Variants in BLNK observed in about 807,000 individuals in gnomAD.
The protein encoded by BLNK is B-cell linker protein.
In BLNK, 29 loss-of-function variants were observed where a neutral mutation model predicts 73.5. That is an observed-to-expected ratio of 0.39 (90% CI 0.29 to 0.54). The LOEUF is 0.54. Among genes scored for constraint, BLNK ranks in the 20% least tolerant of loss-of-function variants. The probability of loss-of-function intolerance (pLI) is 0.61; values close to 1 mark genes in which losing one functional copy is unlikely to be tolerated. For missense variants in BLNK, 460 were observed against 562.8 expected, an observed-to-expected ratio of 0.82 and a Z score of 1.85; for synonymous variants, 176 against 200.8, an observed-to-expected ratio of 0.88 and a Z score of 1.04.
chr10:96,217,372 C>T (rs1472365122), intron 6 of BLNK, among the ~76,000 whole-genome samples: 2 of 152,168 alleles, frequency 1.3e-5, no homozygotes, highest in African/African-American at 2.4e-5. Context: ...GTTTAACAGT[C>T]GGAGAAACTG....
intron 8 of BLNK, 132 bp downstream of exon 8, chr10:96,215,189 T>A (rs1308854346): frequency 1.0e-6 from 1 of 982,646 alleles, no homozygotes; most frequent in Non-Finnish European, 1.6e-6. Flanking sequence ...AGACAGTGCA[T>A]GAGGATGAGG....
chr10:96,271,301 T>TG (rs781870273), intron 1 of BLNK, 51 bp downstream of exon 1: 34 of 1,587,444 alleles, frequency 2.1e-5, no homozygotes, highest in Non-Finnish European at 2.3e-5. Context: ...ATAAGAGCAC[T>TG]GGGGGGAAAA....
In BLNK at chr10:96,271,472, G is replaced by A. The variant is rs1259446838; in HGVS notation, c.-74C>T. On this transcript the variant is annotated 5_prime_UTR_variant, in exon 1 of 17. Coordinates refer to ENST00000224337, the MANE Select transcript of BLNK (RefSeq NM_013314.4). ...CAGCAGTTCCTGGCCCTCCTAGGGAGCAGCATGGTAAGCCTCTGGTCTCAA... is the reference window on the plus strand; with the variant it reads ...CAGCAGTTCCTGGCCCTCCTAGGGAACAGCATGGTAAGCCTCTGGTCTCAA... The A allele has an allele frequency of 2.0e-6, 3 of 1,493,790 alleles. No individual in the cohort carries two copies. Among genetic ancestry groups the A allele is most frequent in the African/African-American group, 2.8e-5 (2 of 72,324 alleles). 92.5% of individuals were successfully genotyped at this position (1,493,790 alleles called of 1,614,324 possible).
At chr10:96,206,425 G>A (rs191077104) in intron 11 of BLNK, among the ~76,000 whole-genome samples, 38 of 151,338 alleles carry the variant, frequency 2.5e-4, no homozygotes, top group African/African-American at 8.5e-4. Context: ...GATAAAGGAA[G>A]AAATTCTAAA....
At chr10:96,248,930 T>C (rs1382418136) in intron 1 of BLNK, among the ~76,000 whole-genome samples, 1 of 151,854 alleles carries the variant, frequency 6.6e-6, no homozygotes, top group Non-Finnish European at 1.5e-5. Flanking sequence ...GTATTATCTG[T>C]GTTATACACA....
intron 1 of BLNK, among the ~76,000 whole-genome samples, chr10:96,263,106 C>T (rs1564854175): frequency 6.7e-6 from 1 of 150,308 alleles, no homozygotes; most frequent in Non-Finnish European, 1.5e-5. Context: ...CCTCATGGAA[C>T]CCCCGACCAG....
chr10:96,270,852 A>G (rs1844241669), intron 1 of BLNK, among the ~76,000 whole-genome samples: 2 of 152,196 alleles, frequency 1.3e-5, no homozygotes, highest in Non-Finnish European at 2.9e-5. Flanking sequence ...AGGGCATTGG[A>G]AAGACAGATC....
chr10:96,209,547 C>G lies in BLNK; in HGVS notation c.746+291G>C, dbSNP rs1346810851. Among the ~76,000 whole-genome samples, 3 of 152,262 alleles carry G rather than the reference C, an allele frequency of 2.0e-5. No homozygotes were observed. In the East Asian group the frequency reaches 5.8e-4, roughly 29 times the overall value. ...AGCTGGGATTACAGGTGTGTGCCAC[C>G]ACGCCTGGCTAATTTTTGTATTTTT... is the stretch of plus-strand genomic sequence containing the variant. On this transcript the variant is annotated intron_variant, in intron 9 of 16. Coordinates refer to ENST00000224337, the MANE Select transcript of BLNK (RefSeq NM_013314.4).
chr10:96,189,719 C>CATG lies in BLNK; in HGVS notation c.*2253_*2254insCAT. ...TCAAAATCATCATCATCATCATCAT[C>CATG]ATCATCATCATCATCTTCATCAGCA... is the stretch of plus-strand genomic sequence containing the variant. On this transcript the variant is annotated 3_prime_UTR_variant, in exon 17 of 17. Coordinates refer to ENST00000224337, the MANE Select transcript of BLNK (RefSeq NM_013314.4). The CATG allele has an allele frequency of 4.2e-6, 3 of 718,518 alleles. No homozygotes were observed. The South Asian group carries it at 4.2e-5, about 10-fold the overall frequency. 44.5% of individuals were successfully genotyped at this position (718,518 alleles called of 1,614,324 possible). A position where few individuals can be genotyped will look rare whatever the true frequency, so the allele number is the denominator to read the frequency against.
chr10:96,215,724 T>C, intron 7 of BLNK: 2 of 236,462 alleles, frequency 8.5e-6, no homozygotes, highest in South Asian at 1.5e-4. Flanking sequence ...TTATTGTTTT[T>C]GTTTTTCATC....
intron 1 of BLNK, among the ~76,000 whole-genome samples, chr10:96,270,787 G>A (rs1038603241): frequency 1.3e-5 from 2 of 152,102 alleles, no homozygotes; most frequent in Non-Finnish European, 2.9e-5. Flanking sequence ...CCATGGGGCC[G>A]CTTCTGGTTT....
chr10:96,209,842 C>A lies in BLNK; in HGVS notation c.742G>T (p.Ala248Ser), dbSNP rs782149426. 1 of 1,614,220 alleles carries A rather than the reference C, an allele frequency of 6.2e-7. No individual in the cohort carries two copies. The highest frequency in any genetic ancestry group is 1.1e-5 in the South Asian group (1 of 91,084). ...CTTCCTGCAACAGGTACTTACCCGGCCCGTGGCAACGGGGATGGTGCAGCT... is the reference window on the plus strand; with the variant it reads ...CTTCCTGCAACAGGTACTTACCCGGACCGTGGCAACGGGGATGGTGCAGCT... ...PPAAPSPLPR[A>S]GKKPTTPLKT... The change falls in exon 9 of 17, where the codon GCC becomes TCC. Residue 248 changes from alanine to serine, a missense_variant. Around this residue, in one of 3 missense-constraint regions of BLNK, gnomAD observed 233 missense variants for 232.1 expected, o/e 1.00. Coordinates refer to ENST00000224337, the MANE Select transcript of BLNK (RefSeq NM_013314.4).
intron 6 of BLNK, among the ~76,000 whole-genome samples, chr10:96,223,355 G>T (rs1382559912): frequency 2.0e-5 from 3 of 152,100 alleles, no homozygotes; most frequent in African/African-American, 7.2e-5. Flanking sequence ...CAAGTCGTCC[G>T]CTTGGCCCTC....
At chr10:96,229,968 C>G (rs1027366779) in intron 4 of BLNK, among the ~76,000 whole-genome samples, 18 of 152,280 alleles carry the variant, frequency 1.2e-4, no homozygotes, top group African/African-American at 4.3e-4. Context: ...GGGTGATTTT[C>G]ATTCTCTTGG....
chr10:96,214,365 T>A (rs1306215403), intron 8 of BLNK, among the ~76,000 whole-genome samples: 1 of 152,024 alleles, frequency 6.6e-6, no homozygotes, highest in African/African-American at 2.4e-5. Context: ...AGGGGTGACA[T>A]GGCAAAGACT....
chr10:96,267,840 A>G (rs1286444129), intron 1 of BLNK, among the ~76,000 whole-genome samples: 1 of 152,204 alleles, frequency 6.6e-6, no homozygotes, highest in South Asian at 2.1e-4. Flanking sequence ...CAATTACACA[A>G]CTATAGAATT....
At chr10:96,263,412 G>A (rs532424843) in intron 1 of BLNK, among the ~76,000 whole-genome samples, 1 of 152,354 alleles carries the variant, frequency 6.6e-6, no homozygotes, top group South Asian at 2.1e-4. Flanking sequence ...CTGGCCAACA[G>A]AGAAGTGTGG....
chr10:96,244,058 AT>A (rs1173077927), intron 2 of BLNK, among the ~76,000 whole-genome samples: 1 of 152,220 alleles, frequency 6.6e-6, no homozygotes, highest in Non-Finnish European at 1.5e-5. Flanking sequence ...ACAAACCAAA[AT>A]TGTAATTTGC....
chr10:96,192,598 C>T (rs1554893763), intron 16 of BLNK, among the ~76,000 whole-genome samples: 1 of 151,988 alleles, frequency 6.6e-6, no homozygotes, highest in African/African-American at 2.4e-5. Flanking sequence ...TTCATATTTC[C>T]ATTTTTACTT....
Sources: allele counts gnomAD v4.1 joint callset (sites outside exome capture counted in the v4.1 genomes callset), GRCh38; gene constraint gnomAD v4.1.1; regional missense constraint gnomAD v4.1.1; transcripts MANE v1.5; gene names NCBI Gene and HGNC (gene_info 2026-07-23, HGNC 2026-07-21).